The following KCNG3 variants were observed in gnomAD, a reference collection of about 807,000 sequenced individuals.
KCNG3 encodes potassium voltage-gated channel modifier subfamily G member 3.
Under a neutral mutation model 29.0 loss-of-function variants are expected in KCNG3, and 15 were observed. The ratio of observed to expected loss-of-function variants is 0.52; its 90% CI spans 0.35 to 0.80. KCNG3 has a LOEUF of 0.80. KCNG3 is among the 30% of genes least tolerant of loss of function. KCNG3 has a pLI of 0.01. For synonymous variants in KCNG3, 322 were observed against 248.9 expected (o/e 1.29, Z -2.76); for missense variants, 512 against 605.7 (o/e 0.85, Z 1.62).
chr2:42,411,416 T>C, the KCNG3 span, among the ~76,000 whole-genome samples: 1 of 152,174 alleles, frequency 6.6e-6, no homozygotes, highest in South Asian at 2.1e-4. Context: ...GCAAAGTTTT[T>C]CCATTTGTTC....
downstream of KCNG3, among the ~76,000 whole-genome samples, chr2:42,437,239 T>G (rs1013535693): frequency 4.6e-5 from 7 of 152,206 alleles, no homozygotes; most frequent in African/African-American, 1.7e-4. Flanking sequence ...GTTTCTGATC[T>G]TTTTAAACAG....
chr2:42,474,748 T>C (rs934257215), intron 1 of KCNG3, among the ~76,000 whole-genome samples: 2 of 152,206 alleles, frequency 1.3e-5, no homozygotes, highest in African/African-American at 2.4e-5. Flanking sequence ...ACTTAAGTTT[T>C]ATGCACTACA....
At chr2:42,430,879 G>A in the KCNG3 span, among the ~76,000 whole-genome samples, 283 of 152,204 alleles carry the variant, frequency 1.9e-3, no homozygotes, top group Non-Finnish European at 3.1e-3. Context: ...GGAGGCTGAG[G>A]TGGGCAGATC....
At chr2:42,406,465 C>G in the KCNG3 span, among the ~76,000 whole-genome samples, 16 of 150,166 alleles carry the variant, frequency 1.1e-4, no homozygotes, top group Non-Finnish European at 2.4e-4. Context: ...GTGATCCACC[C>G]ACCTCGGCCT....
intron 1 of KCNG3, among the ~76,000 whole-genome samples, chr2:42,447,966 A>C (rs903225419): frequency 5.3e-5 from 8 of 152,344 alleles, no homozygotes; most frequent in Admixed American, 5.2e-4. Flanking sequence ...AGCTACCCCT[A>C]CAGAGGTTGT....
At chr2:42,462,816 C>T (rs1222367222) in intron 1 of KCNG3, among the ~76,000 whole-genome samples, 1 of 152,196 alleles carries the variant, frequency 6.6e-6, no homozygotes, top group African/African-American at 2.4e-5. Flanking sequence ...CAGTTTCATT[C>T]ATTTATTCAA....
At chr2:42,425,022 C>T in the KCNG3 span, 1 of 152,260 alleles carries the variant, frequency 6.6e-6, no homozygotes, top group Admixed American at 6.5e-5. Flanking sequence ...ACAAGGGCCT[C>T]TGTCCTCAGG....
intron 1 of KCNG3, among the ~76,000 whole-genome samples, chr2:42,458,963 A>G (rs574943277): frequency 3.9e-5 from 6 of 152,258 alleles, no homozygotes; most frequent in East Asian, 1.9e-4. Flanking sequence ...TTTTGAGGCC[A>G]AGGTGGGTGG....
At chr2:42,490,639 C>T (rs553257715) in intron 1 of KCNG3, among the ~76,000 whole-genome samples, 4 of 152,296 alleles carry the variant, frequency 2.6e-5, no homozygotes, top group Admixed American at 2.0e-4. Flanking sequence ...ATTTGGAACA[C>T]CAGCAGTGCC....
intron 1 of KCNG3, among the ~76,000 whole-genome samples, chr2:42,491,029 C>G (rs1673860490): frequency 6.6e-6 from 1 of 152,108 alleles, no homozygotes; most frequent in African/African-American, 2.4e-5. Context: ...GGCCATTAAG[C>G]TAAGAAAAAC....
At chr2:42,440,282 A>T (rs2103654048), downstream of KCNG3, 1 of 152,338 alleles carries the variant, frequency 6.6e-6, no homozygotes, top group South Asian at 2.1e-4. Flanking sequence ...GAAGGGTCAG[A>T]GGACTCGAAA....
At chr2:42,391,792 T>C in the KCNG3 span, among the ~76,000 whole-genome samples, 88,047 of 148,044 alleles carry the variant, frequency 0.59, 26,481 homozygotes, top group East Asian at 0.76. Flanking sequence ...TTAGTAGAGA[T>C]GGGGTTTCAC....
At chr2:42,491,210 T>C (rs1251723786) in intron 1 of KCNG3, among the ~76,000 whole-genome samples, 45 of 152,148 alleles carry the variant, frequency 3.0e-4, no homozygotes. Flanking sequence ...TGTGTTTCTC[T>C]CCCTAAAATT....
intron 1 of KCNG3, among the ~76,000 whole-genome samples, chr2:42,490,322 T>C (rs1673840665): frequency 6.6e-6 from 1 of 152,080 alleles, no homozygotes; most frequent in South Asian, 2.1e-4. Context: ...ACGCCTGTAG[T>C]CCTAGCACTT....
chr2:42,460,034 ACT>A (rs1195080273), intron 1 of KCNG3, among the ~76,000 whole-genome samples: 1 of 151,716 alleles, frequency 6.6e-6, no homozygotes, highest in African/African-American at 2.4e-5. Flanking sequence ...GTAAAACAGA[ACT>A]CTCTGTGCTG....
At chr2:42,418,521 T>G in the KCNG3 span, among the ~76,000 whole-genome samples, 1 of 152,194 alleles carries the variant, frequency 6.6e-6, no homozygotes, top group Admixed American at 6.5e-5. Flanking sequence ...TTTTGTATAT[T>G]TCTTTATTAT....
the KCNG3 span, among the ~76,000 whole-genome samples, chr2:42,422,286 A>G: frequency 6.6e-6 from 1 of 152,058 alleles, no homozygotes. Flanking sequence ...TCTTGAGAGT[A>G]GTTTTCTAAT....
At chr2:42,468,233 T>C (rs1022290274) in intron 1 of KCNG3, among the ~76,000 whole-genome samples, 3 of 152,210 alleles carry the variant, frequency 2.0e-5, no homozygotes, top group African/African-American at 4.8e-5. Context: ...AGACTGTCTT[T>C]ATTTCCAGAC....
At chr2:42,441,286 G>A (rs746665849), downstream of KCNG3, among the ~76,000 whole-genome samples, 6 of 152,112 alleles carry the variant, frequency 3.9e-5, no homozygotes, top group Non-Finnish European at 8.8e-5. Context: ...AACTTGGGAG[G>A]CTGGGGTGGG....
Sources: allele counts gnomAD v4.1 joint callset (sites outside exome capture counted in the v4.1 genomes callset), GRCh38; gene constraint gnomAD v4.1.1; transcripts MANE v1.5; gene names NCBI Gene and HGNC (gene_info 2026-07-23, HGNC 2026-07-21).